RTN4R: variants seen among roughly 807,000 people sequenced by gnomAD.
The protein encoded by RTN4R is reticulon 4 receptor, also known as reticulon-4 receptor.
In RTN4R, 4 loss-of-function variants were observed where a neutral mutation model predicts 27.7. The ratio of observed to expected loss-of-function variants is 0.14; its 90% CI spans 0.07 to 0.33. The LOEUF (loss-of-function observed/expected upper bound fraction) is 0.33, where lower values mean the gene tolerates loss of function less well. Ranked by LOEUF, RTN4R falls within the 10% of genes least tolerant of loss-of-function variation. The pLI, the probability that RTN4R is intolerant of heterozygous loss-of-function variation, is 1.00. For synonymous variants in RTN4R, 290 were observed against 305.6 expected, an observed-to-expected ratio of 0.95 and a Z score of 0.53; for missense variants, 554 against 671.5, an observed-to-expected ratio of 0.83 and a Z score of 1.93.
In RTN4R at chr22:20,268,305, C is replaced by CCCG. The variant is rs2051292946; in HGVS notation, c.-214_-213insCGG. ...CGCAGGGCGCACAGGGCGAGGGCGGCGGCGGCGCGGGGGTTGGGGCGTGGG... is the reference window on the plus strand; with the variant it reads ...CGCAGGGCGCACAGGGCGAGGGCGGCCCGGGCGGCGCGGGGGTTGGGGCGTGGG... On this transcript the variant is annotated 5_prime_UTR_variant, in exon 1 of 2. Transcript: ENST00000043402. The CCCG allele has an allele frequency of 4.9e-3, 4 of 810 alleles. No homozygotes were observed. Among genetic ancestry groups the CCCG allele is most frequent in the Admixed American group, 0.013 (1 of 76 alleles). 0.1% of individuals were successfully genotyped at this position (810 alleles called of 1,614,324 possible). A position where few individuals can be genotyped will look rare whatever the true frequency, so the allele number is the denominator to read the frequency against.
Position 20,256,730 on chromosome 22 carries a change from C to T in RTN4R, c.22+11341G>A, listed in dbSNP as rs546162796. On this transcript the variant is annotated intron_variant, in intron 1 of 1. Coordinates refer to ENST00000043402, the MANE Select transcript of RTN4R (RefSeq NM_023004.6). ...CTCACTCCTCCACTGGCTGCTTCTC[C>T]GACCCCGATCATGGCTGCAGCAGGC... Among the ~76,000 whole-genome samples the T allele has an allele frequency of 9.2e-5, 14 of 152,366 alleles. No homozygotes were observed. In the South Asian group the frequency reaches 1.4e-3, roughly 16 times the overall value.
intron 1 of RTN4R, among the ~76,000 whole-genome samples, chr22:20,266,452 G>A (rs1251450374): frequency 2.0e-5 from 3 of 152,248 alleles, no homozygotes; most frequent in Non-Finnish European, 4.4e-5. Flanking sequence ...CACCAAGAAG[G>A]TCCTCACCAT....
intron 1 of RTN4R, among the ~76,000 whole-genome samples, chr22:20,252,762 CTG>C (rs1297781168): frequency 3.3e-5 from 5 of 152,144 alleles, no homozygotes; most frequent in African/African-American, 9.7e-5. Flanking sequence ...CCAGGGATGG[CTG>C]AAAGTGGGCC....
intron 1 of RTN4R, among the ~76,000 whole-genome samples, chr22:20,258,248 A>G (rs1195373015): frequency 1.3e-5 from 2 of 152,170 alleles, no homozygotes; most frequent in Non-Finnish European, 1.5e-5. Flanking sequence ...CGTTTGCTCA[A>G]GGAGCTCCCC....
intron 1 of RTN4R, among the ~76,000 whole-genome samples, chr22:20,264,570 GTGAA>G (rs2051266556): frequency 6.6e-6 from 1 of 152,244 alleles, no homozygotes; most frequent in Admixed American, 6.5e-5. Flanking sequence ...GAACGAACGA[GTGAA>G]TGAATGAACA....
intron 1 of RTN4R, among the ~76,000 whole-genome samples, chr22:20,258,237 G>T (rs1390416160): frequency 6.6e-6 from 1 of 152,188 alleles, no homozygotes; most frequent in Non-Finnish European, 1.5e-5. Flanking sequence ...GCCCCTGCTG[G>T]CGTTTGCTCA....
intron 1 of RTN4R, among the ~76,000 whole-genome samples, chr22:20,266,726 A>G (rs2051279254): frequency 1.3e-5 from 2 of 152,198 alleles, no homozygotes; most frequent in Non-Finnish European, 2.9e-5. Context: ...CGAGCCCCCA[A>G]CACACATTCC....
At chr22:20,259,174 C>T (rs78381798) in intron 1 of RTN4R, among the ~76,000 whole-genome samples, 5,414 of 152,248 alleles carry the variant, frequency 0.036, 318 homozygotes, top group African/African-American at 0.12. Flanking sequence ...ACCCATCATC[C>T]GCCTCAGGCC....
At chr22:20,251,318 C>T (rs1569037748) in intron 1 of RTN4R, among the ~76,000 whole-genome samples, 1 of 152,126 alleles carries the variant, frequency 6.6e-6, no homozygotes, top group South Asian at 2.1e-4. Context: ...AAGATGAGAA[C>T]ACTTGGTGCA....
At position 20,241,881 on chromosome 22, in the gene RTN4R, C is replaced by A; in HGVS notation, c.1252G>T (p.Gly418Cys). Reference sequence around the variant, plus strand: ...CGGGTGCGGTTCTTGCGTGAACAGCCTGGCCTCCGGCGAGGGCCCGAGGTG... The same window carrying A: ...CGGGTGCGGTTCTTGCGTGAACAGCATGGCCTCCGGCGAGGGCCCGAGGTG... ...FPTSGPRRRP[G>C]CSRKNRTRSH... The change falls in exon 2 of 2, where the codon GGC becomes TGC. Residue 418 changes from glycine (G) to cysteine (C), a missense_variant. By Grantham distance (159) the Gly-to-Cys change is radical (BLOSUM62 -3). Coordinates refer to ENST00000043402, the MANE Select transcript of RTN4R (RefSeq NM_023004.6). 1 of 1,607,738 alleles carries A rather than the reference C, an allele frequency of 6.2e-7. No individual in the cohort carries two copies. The highest frequency in any genetic ancestry group is 8.5e-7 in the Non-Finnish European group (1 of 1,177,604).
At chr22:20,249,370 C>G (rs989126571) in intron 1 of RTN4R, among the ~76,000 whole-genome samples, 2 of 152,226 alleles carry the variant, frequency 1.3e-5, no homozygotes, top group African/African-American at 2.4e-5. Flanking sequence ...CCCACATCCA[C>G]TCCCATGGGC....
chr22:20,253,177 A>T (rs1473342792), intron 1 of RTN4R, among the ~76,000 whole-genome samples: 1 of 152,230 alleles, frequency 6.6e-6, no homozygotes. Context: ...AGGGGGCAGC[A>T]GCCAGGCTGT....
At chr22:20,250,745 T>G (rs1193907206) in intron 1 of RTN4R, among the ~76,000 whole-genome samples, 1 of 151,772 alleles carries the variant, frequency 6.6e-6, no homozygotes, top group East Asian at 1.9e-4. Context: ...CTGTCAGGAG[T>G]CTCACAGTCA....
At chr22:20,243,419 G>A (rs1304626729) in intron 1 of RTN4R, 3 of 641,156 alleles carry the variant, frequency 4.7e-6, no homozygotes, top group Admixed American at 2.1e-5. Context: ...AAGGCCTCCT[G>A]GAATGGACAC....
intron 1 of RTN4R, among the ~76,000 whole-genome samples, chr22:20,250,910 G>A (rs998912911): frequency 1.3e-5 from 2 of 152,176 alleles, no homozygotes; most frequent in African/African-American, 4.8e-5. Flanking sequence ...TAAGGAGAGG[G>A]GGACAGCAGA....
chr22:20,249,440 A>C (rs1456340562), intron 1 of RTN4R, among the ~76,000 whole-genome samples: 1 of 152,212 alleles, frequency 6.6e-6, no homozygotes, highest in Admixed American at 6.5e-5. Context: ...GATCTGCTGC[A>C]TGCACAAGGC....
At chr22:20,256,162 G>T (rs892096686) in intron 1 of RTN4R, among the ~76,000 whole-genome samples, 1 of 152,198 alleles carries the variant, frequency 6.6e-6, no homozygotes, top group East Asian at 1.9e-4. Context: ...GTGGAAGGGG[G>T]TCAGCTGCCC....
chr22:20,244,337 C>T lies in RTN4R; in HGVS notation c.23-1227G>A, dbSNP rs149364449. 8.4e-3 allele frequency among the ~76,000 whole-genome samples: 1,275 copies of T among 152,328 alleles called. 23 individuals carry two copies. The highest frequency in any genetic ancestry group is 0.029 in the African/African-American group (1,196 of 41,580). On this transcript the variant is annotated intron_variant, in intron 1 of 1. Transcript: ENST00000043402. ...TGGGGCCCTCCTACCCACATGGGGC[C>T]CCTGCCCCACTGGGTCCTCTCTACT...
At chr22:20,252,166 G>A (rs898062219) in intron 1 of RTN4R, among the ~76,000 whole-genome samples, 3 of 75,736 alleles carry the variant, frequency 4.0e-5, no homozygotes, top group East Asian at 3.7e-4. Flanking sequence ...CACCATCATC[G>A]TCTTCATCAT....
Sources: allele counts gnomAD v4.1 joint callset (sites outside exome capture counted in the v4.1 genomes callset), GRCh38; gene constraint gnomAD v4.1.1; transcripts MANE v1.5; gene names NCBI Gene and HGNC (gene_info 2026-07-23, HGNC 2026-07-21).